The following PDE4D variants were observed in gnomAD, a reference collection of about 807,000 sequenced individuals.
The protein encoded by PDE4D is 3',5'-cyclic-AMP phosphodiesterase 4D.
A neutral mutation model predicts 87.4 loss-of-function variants in PDE4D; 24 were observed. The observed-to-expected ratio is 0.27, with a 90% CI of 0.20 to 0.39. PDE4D has a LOEUF of 0.39. PDE4D is among the 10% of genes least tolerant of loss of function. The probability of loss-of-function intolerance (pLI) is 1.00; values close to 1 mark genes in which losing one functional copy is unlikely to be tolerated. For missense variants in PDE4D, 714 were observed against 1,041.0 expected (o/e 0.69, Z 4.32); for synonymous variants, 384 against 383.2 (o/e 1.00, Z -0.02).
intron 1 of PDE4D, among the ~76,000 whole-genome samples, chr5:59,448,858 C>T (rs1798728246): frequency 6.6e-6 from 1 of 152,110 alleles, no homozygotes; most frequent in African/African-American, 2.4e-5. Flanking sequence ...TAGTCTTGAA[C>T]TTCTGGGCTC....
intron 2 of PDE4D, among the ~76,000 whole-genome samples, chr5:60,167,696 G>A (rs1223070584): frequency 1.3e-5 from 2 of 151,816 alleles, no homozygotes; most frequent in Admixed American, 6.6e-5. Context: ...TTCTCATTGT[G>A]GGTCACTTAA....
intron 3 of PDE4D, among the ~76,000 whole-genome samples, chr5:59,954,309 A>G (rs1212376872): frequency 6.6e-6 from 1 of 152,184 alleles, no homozygotes; most frequent in African/African-American, 2.4e-5. Context: ...AAATGATATT[A>G]TAAGAATTCT....
At chr5:60,066,783 C>T (rs140562236) in intron 2 of PDE4D, among the ~76,000 whole-genome samples, 30 of 152,142 alleles carry the variant, frequency 2.0e-4, no homozygotes, top group African/African-American at 7.2e-4. Context: ...TCCATATATG[C>T]CGATGTGCAT....
intron 1 of PDE4D, among the ~76,000 whole-genome samples, chr5:59,789,043 G>A (rs1561664223): frequency 6.6e-6 from 1 of 152,150 alleles, no homozygotes; most frequent in African/African-American, 2.4e-5. Context: ...ACTGTTACCT[G>A]AGCTTGGTTA....
chr5:59,570,438 A>G (rs1445679952), intron 1 of PDE4D, among the ~76,000 whole-genome samples: 1 of 152,218 alleles, frequency 6.6e-6, no homozygotes, highest in Non-Finnish European at 1.5e-5. Context: ...TAATTTTTAC[A>G]GGAAAATATG....
chr5:60,316,663 T>C (rs1217002747), intron 1 of PDE4D, among the ~76,000 whole-genome samples: 4 of 152,318 alleles, frequency 2.6e-5, no homozygotes, highest in Non-Finnish European at 4.4e-5. Context: ...ATACGTCCCA[T>C]CAATACCTAA....
intron 1 of PDE4D, among the ~76,000 whole-genome samples, chr5:59,306,928 C>T (rs1360306949): frequency 9.6e-6 from 1 of 103,904 alleles, no homozygotes; most frequent in African/African-American, 4.8e-5. Flanking sequence ...AAGAACAAAG[C>T]TGGAGGCATC....
chr5:59,056,349 G>T (rs1762354592), intron 5 of PDE4D, among the ~76,000 whole-genome samples: 1 of 152,138 alleles, frequency 6.6e-6, no homozygotes, highest in South Asian at 2.1e-4. Flanking sequence ...GACGAAAGAA[G>T]GGGCTTGAGT....
At chr5:60,364,232 G>A (rs56921917) in intron 1 of PDE4D, among the ~76,000 whole-genome samples, 13,758 of 152,046 alleles carry the variant, frequency 0.09, 1,082 homozygotes, top group African/African-American at 0.22. Context: ...CCAAACTGAG[G>A]GATCCTGTTG....
upstream of PDE4D, chr5:60,491,023 G>C (rs1749504586): frequency 6.6e-6 from 1 of 152,166 alleles, no homozygotes; most frequent in Non-Finnish European, 1.5e-5. Context: ...CATTCCAGGT[G>C]ACATGGATAA....
chr5:59,736,274 T>A (rs1379147208), intron 1 of PDE4D, among the ~76,000 whole-genome samples: 2 of 152,128 alleles, frequency 1.3e-5, no homozygotes, highest in Admixed American at 6.6e-5. Context: ...TGAGATAGTA[T>A]TTTATACCAT....
intron 3 of PDE4D, among the ~76,000 whole-genome samples, chr5:59,189,244 G>GTT (rs1392753870): frequency 2.0e-3 from 182 of 91,344 alleles, no homozygotes; most frequent in South Asian, 5.4e-3. Context: ...TTTTTTTTTT[G>GTT]TTTTTTTTGT....
At chr5:59,303,735 T>C (rs760236354) in intron 1 of PDE4D, among the ~76,000 whole-genome samples, 2 of 152,192 alleles carry the variant, frequency 1.3e-5, no homozygotes, top group Non-Finnish European at 2.9e-5. Flanking sequence ...CTCTATTCTG[T>C]TCCATTGGTC....
At chr5:59,945,009 C>T (rs1252260194) in intron 3 of PDE4D, among the ~76,000 whole-genome samples, 1 of 152,128 alleles carries the variant, frequency 6.6e-6, no homozygotes, top group Admixed American at 6.5e-5. Context: ...TTAAGATATA[C>T]ACTGTTACAT....
At position 58,973,963 on chromosome 5, in the gene PDE4D, G is replaced by T. The variant is rs192747895; in HGVS notation, c.*701C>A. 6.5e-6 allele frequency: 1 copy of T among 152,708 alleles called. No individual in the cohort carries two copies. Among genetic ancestry groups the T allele is most frequent in the Non-Finnish European group, 1.5e-5 (1 of 68,012 alleles). 9.5% of individuals were successfully genotyped at this position (152,708 alleles called of 1,614,324 possible). On this transcript the variant is annotated 3_prime_UTR_variant, in exon 15 of 15. Transcript: ENST00000340635. The stretch of plus-strand genomic sequence containing the variant: ...TTTTTATCCAGTGTAGCACAGATTT[G>T]TACTGAAAACTTGCAAGTTACTCCT...
At chr5:60,000,293 C>T (rs964900214) in intron 2 of PDE4D, among the ~76,000 whole-genome samples, 11 of 152,008 alleles carry the variant, frequency 7.2e-5, no homozygotes, top group Non-Finnish European at 1.2e-4. Context: ...TATAATCAAA[C>T]TGTCAAATAT....
At chr5:59,042,441 G>A (rs896738452) in intron 5 of PDE4D, among the ~76,000 whole-genome samples, 2 of 152,182 alleles carry the variant, frequency 1.3e-5, no homozygotes, top group Non-Finnish European at 2.9e-5. Flanking sequence ...CAGTGAGCCA[G>A]TTTAATTTTG....
At chr5:58,976,325 A>T in intron 13 of PDE4D, 25 bp downstream of exon 13, 1 of 1,610,700 alleles carries the variant, frequency 6.2e-7, no homozygotes, top group Non-Finnish European at 8.5e-7. Context: ...ACACACACAC[A>T]GAGCAAACTC....
At chr5:59,329,933 AAATTAT>A (rs1335884168) in intron 1 of PDE4D, among the ~76,000 whole-genome samples, 1 of 152,240 alleles carries the variant, frequency 6.6e-6, no homozygotes, top group Non-Finnish European at 1.5e-5. Context: ...ATATGACATT[AAATTAT>A]AATTGTGCAA....
Sources: gnomAD v4.1 joint callset for allele counts (sites outside exome capture counted in the v4.1 genomes callset) on GRCh38, gnomAD v4.1.1 for gene constraint, MANE v1.5 for transcripts, NCBI Gene and HGNC (gene_info 2026-07-23, HGNC 2026-07-21) for gene names.